COL14A1: variants seen among roughly 807,000 people sequenced by gnomAD.
COL14A1 encodes the protein collagen type XIV alpha 1 chain, also known as collagen alpha-1(XIV) chain.
A neutral mutation model predicts 230.3 loss-of-function variants in COL14A1; 136 were observed. The observed-to-expected ratio is 0.59, with a 90% CI of 0.51 to 0.68. COL14A1 has a LOEUF of 0.68. Among genes scored for constraint, COL14A1 ranks in the 30% least tolerant of loss-of-function variants. COL14A1 has a pLI of 0.00. For synonymous variants in COL14A1, 792 were observed against 784.1 expected (o/e 1.01, Z -0.17); for missense variants, 1,976 against 2,215.8 (o/e 0.89, Z 2.17).
In COL14A1 at chr8:120,209,793, C is replaced by A. The variant is rs770905335; in HGVS notation, c.1359C>A (p.Asp453Glu). 1 of 1,613,602 alleles carries A rather than the reference C, an allele frequency of 6.2e-7. No homozygotes were observed. Among genetic ancestry groups the A allele is most frequent in the Admixed American group, 1.7e-5 (1 of 59,942 alleles). Residue 453 changes from aspartate (D) to glutamate (E), a missense_variant, in exon 12 of 48, where the codon GAC (aspartate) becomes GAA (glutamate). Physicochemically the swap from Asp to Glu is conservative, Grantham distance 45 (BLOSUM62 2). Coordinates refer to ENST00000297848, the MANE Select transcript of COL14A1 (RefSeq NM_021110.4). ...TGGCTTCTGACCTTCTACTGTACGA[C>A]GTGACTGAGAACAGCATGCGAGTCA... The part of the protein sequence containing the change: ...LPMASDLLLY[D>E]VTENSMRVKW...
intron 13 of COL14A1, among the ~76,000 whole-genome samples, chr8:120,214,500 T>C (rs1026063100): frequency 5.9e-5 from 9 of 152,008 alleles, no homozygotes; most frequent in African/African-American, 2.2e-4. Context: ...CTTGAAGAGG[T>C]TCAAAAAGCT....
chr8:120,307,847 C>T (rs964236274), intron 36 of COL14A1, among the ~76,000 whole-genome samples: 1 of 152,148 alleles, frequency 6.6e-6, no homozygotes, highest in African/African-American at 2.4e-5. Context: ...GTTTAGAGTA[C>T]AATATGATAA....
chr8:120,199,319 C>G (rs981237714), intron 7 of COL14A1, 83 bp from the exon 8 acceptor site: 5 of 1,259,358 alleles, frequency 4.0e-6, no homozygotes, highest in Non-Finnish European at 5.3e-6. Context: ...CAATAGGTTA[C>G]CCATCTTGTG....
Position 120,299,363 on chromosome 8 carries a change from T to G in COL14A1, c.4315-1369T>G, listed in dbSNP as rs77800937. 1.5e-3 allele frequency among the ~76,000 whole-genome samples: 225 copies of G among 152,210 alleles called. No individual in the cohort carries two copies. In the East Asian group the frequency reaches 0.031, roughly 21 times the overall value. ...ACCAAAATAAGTTTCTAGTAAACTC[T>G]GGAAGAAATTAAATTAGAGACACCT... On this transcript the variant is annotated intron_variant, in intron 35 of 47. Transcript: ENST00000297848.
chr8:120,216,296 T>C, intron 13 of COL14A1, 55 bp from the exon 14 acceptor site: 4 of 1,490,920 alleles, frequency 2.7e-6, no homozygotes, highest in Middle Eastern at 1.8e-4. Flanking sequence ...GCAATTTCTT[T>C]TTACATGTAT....
At position 120,207,088 on chromosome 8, in the gene COL14A1, A is replaced by G. The variant is rs1274848825; in HGVS notation, c.1185A>G (p.Pro395=). 1.9e-6 allele frequency: 3 copies of G among 1,611,170 alleles called. No individual in the cohort carries two copies. Among genetic ancestry groups the G allele is most frequent in the Middle Eastern group, 3.3e-4 (2 of 6,046 alleles). The change falls in exon 10 of 48, where the codon CCA becomes CCG. Residue 395 remains proline, a synonymous_variant. Coordinates refer to ENST00000297848, the MANE Select transcript of COL14A1 (RefSeq NM_021110.4). ...VVYYPTRGGK[P]DEVVVDGTVS... ...ATTATCCTACCAGGGGTGGAAAACC[A>G]GACGAGGTAATAAGGAGAGAGTATT...
At chr8:120,179,398 GACAA>G (rs768476978) in intron 5 of COL14A1, among the ~76,000 whole-genome samples, 5 of 152,050 alleles carry the variant, frequency 3.3e-5, no homozygotes, top group Admixed American at 6.6e-5. Flanking sequence ...ACCAATAACA[GACAA>G]ACAGAGAACC....
At chr8:120,213,816 A>G (rs1817676075) in intron 13 of COL14A1, 1 of 256,778 alleles carries the variant, frequency 3.9e-6, no homozygotes, top group African/African-American at 2.3e-5. Flanking sequence ...TGTGCTAAGT[A>G]AATTAGACAC....
At chr8:120,300,883 C>A in intron 36 of COL14A1, 65 bp downstream of exon 36, 2 of 1,268,370 alleles carry the variant, frequency 1.6e-6, no homozygotes, top group South Asian at 1.2e-5. Context: ...ACTTGTGTGT[C>A]TAATATGTGT....
At chr8:120,301,673 A>G (rs1820714770) in intron 36 of COL14A1, among the ~76,000 whole-genome samples, 1 of 152,230 alleles carries the variant, frequency 6.6e-6, no homozygotes, top group South Asian at 2.1e-4. Context: ...ATTCGTGTGT[A>G]TATGTCTTTA....
At chr8:120,206,074 A>G (rs931399821) in intron 9 of COL14A1, among the ~76,000 whole-genome samples, 1 of 152,110 alleles carries the variant, frequency 6.6e-6, no homozygotes, top group Non-Finnish European at 1.5e-5. Flanking sequence ...ATTTTTAGGT[A>G]TTAGTCACTT....
In COL14A1 at chr8:120,307,798, C is replaced by G. The variant is rs113815627; in HGVS notation, c.4402-2211C>G. On this transcript the variant is annotated intron_variant, in intron 36 of 47. Transcript: ENST00000297848. ...ATTAAGATTTAAGGAAACAGGGACC[C>G]TCTTAAACTATTGGCAGATCAATAA... 1.6e-3 allele frequency among the ~76,000 whole-genome samples: 247 copies of G among 152,226 alleles called. 2 individuals are homozygous for G. The highest frequency in any genetic ancestry group is 0.01 in the Middle Eastern group (3 of 294).
chr8:120,124,778 T>C (rs568560015), upstream of COL14A1, among the ~76,000 whole-genome samples: 9 of 152,242 alleles, frequency 5.9e-5, no homozygotes, highest in South Asian at 2.1e-4. Context: ...ACAGGAGGGC[T>C]CGAGACCTCC....
At chr8:120,198,522 G>C (rs1189273456) in intron 7 of COL14A1, among the ~76,000 whole-genome samples, 1 of 152,118 alleles carries the variant, frequency 6.6e-6, no homozygotes, top group Non-Finnish European at 1.5e-5. Context: ...TGCAAGCTGA[G>C]CATCCCAACT....
intron 1 of COL14A1, among the ~76,000 whole-genome samples, chr8:120,135,715 G>A (rs1452876633): frequency 1.3e-5 from 2 of 151,626 alleles, no homozygotes; most frequent in Admixed American, 1.3e-4. Flanking sequence ...TTCTAACAGA[G>A]TACTTTTTTT....
intron 5 of COL14A1, among the ~76,000 whole-genome samples, chr8:120,185,011 A>G (rs1586746531): frequency 6.6e-6 from 1 of 152,216 alleles, no homozygotes; most frequent in African/African-American, 2.4e-5. Context: ...CACACGCTGT[A>G]TAATATATTT....
chr8:120,192,088 A>G (rs12544133), intron 5 of COL14A1, among the ~76,000 whole-genome samples: 51,549 of 151,702 alleles, frequency 0.34, 9,492 homozygotes, highest in Admixed American at 0.48. Context: ...TCCTGTCATT[A>G]TGATGTTAGC....
intron 5 of COL14A1, 76 bp from the exon 6 acceptor site, chr8:120,196,715 A>G: frequency 6.8e-7 from 1 of 1,462,936 alleles, no homozygotes; most frequent in Non-Finnish European, 9.3e-7. Flanking sequence ...TAAGTTGTCT[A>G]AAAGACATTA....
At chr8:120,227,167 C>G (rs1253787953) in intron 16 of COL14A1, 53 bp from the exon 17 acceptor site, 1 of 1,591,322 alleles carries the variant, frequency 6.3e-7, no homozygotes, top group Non-Finnish European at 8.6e-7. Context: ...AACACTTTTT[C>G]TTTACTTTTT....
Sources: allele counts gnomAD v4.1 joint callset (sites outside exome capture counted in the v4.1 genomes callset), GRCh38; gene constraint gnomAD v4.1.1; transcripts MANE v1.5; gene names NCBI Gene and HGNC (gene_info 2026-07-23, HGNC 2026-07-21).